TMTC1: variants seen among roughly 807,000 people sequenced by gnomAD.
TMTC1 encodes the protein transmembrane O-mannosyltransferase targeting cadherins 1.
Under a neutral mutation model 104.8 loss-of-function variants are expected in TMTC1, and 73 were observed. The ratio of observed to expected loss-of-function variants is 0.70; its 90% CI spans 0.58 to 0.85. The LOEUF is 0.85. Among genes scored for constraint, TMTC1 ranks in the 40% least tolerant of loss-of-function variants. The probability of loss-of-function intolerance (pLI) is 0.00; values close to 1 mark genes in which losing one functional copy is unlikely to be tolerated. For missense variants in TMTC1, 1,035 were observed against 1,096.1 expected (o/e 0.94, Z 0.79); for synonymous variants, 434 against 428.7 (o/e 1.01, Z -0.15).
intron 17 of TMTC1, among the ~76,000 whole-genome samples, chr12:29,511,742 C>A (rs747115276): frequency 1.6e-4 from 25 of 152,160 alleles, no homozygotes; most frequent in Non-Finnish European, 3.2e-4. Flanking sequence ...TTCCCATAAA[C>A]AGATTTTACC....
intron 1 of TMTC1, among the ~76,000 whole-genome samples, chr12:29,778,644 A>T (rs1399016781): frequency 2.0e-5 from 3 of 152,254 alleles, no homozygotes; most frequent in Non-Finnish European, 2.9e-5. Context: ...CTTGGGCATG[A>T]TCTTATGAAA....
intron 5 of TMTC1, among the ~76,000 whole-genome samples, chr12:29,702,676 G>A (rs376717012): frequency 2.6e-5 from 4 of 152,316 alleles, no homozygotes; most frequent in African/African-American, 4.8e-5. Flanking sequence ...GGGTGAATCC[G>A]AGGCAGCGCA....
At chr12:29,714,562 G>C (rs1942025705) in intron 5 of TMTC1, among the ~76,000 whole-genome samples, 1 of 152,042 alleles carries the variant, frequency 6.6e-6, no homozygotes, top group Non-Finnish European at 1.5e-5. Context: ...GCACTGTCAG[G>C]GCAAATTATC....
intron 11 of TMTC1, among the ~76,000 whole-genome samples, chr12:29,529,579 A>G (rs968434652): frequency 4.6e-5 from 7 of 152,222 alleles, no homozygotes; most frequent in Admixed American, 3.9e-4. Context: ...AAGGACTAAC[A>G]GATCTTTAAA....
chr12:29,717,527 G>T (rs534010853), intron 5 of TMTC1, among the ~76,000 whole-genome samples: 1 of 152,158 alleles, frequency 6.6e-6, no homozygotes, highest in Non-Finnish European at 1.5e-5. Flanking sequence ...TTAAAAAAAA[G>T]ATCAGGTTTT....
intron 5 of TMTC1, chr12:29,660,790 A>G (rs1025746294): frequency 1.0e-6 from 1 of 998,186 alleles, no homozygotes; most frequent in Non-Finnish European, 1.4e-6. Context: ...ATATATATAT[A>G]TATATATACT....
chr12:29,540,868 G>A (rs549221169), intron 10 of TMTC1, among the ~76,000 whole-genome samples: 1 of 151,980 alleles, frequency 6.6e-6, no homozygotes, highest in East Asian at 1.9e-4. Flanking sequence ...AGTGGCGGGC[G>A]CCTGTAGTCC....
intron 11 of TMTC1, among the ~76,000 whole-genome samples, chr12:29,523,420 G>C (rs1944240710): frequency 6.6e-6 from 1 of 152,210 alleles, no homozygotes; most frequent in Non-Finnish European, 1.5e-5. Context: ...AGTTTGAACA[G>C]CTGGCTGTCT....
intron 6 of TMTC1, among the ~76,000 whole-genome samples, chr12:29,622,493 G>A (rs1937724562): frequency 1.3e-5 from 2 of 152,098 alleles, no homozygotes; most frequent in Admixed American, 6.5e-5. Context: ...CTGACATAAA[G>A]TCTATAAGAG....
intron 10 of TMTC1, among the ~76,000 whole-genome samples, chr12:29,545,613 A>G (rs921831618): frequency 2.1e-5 from 3 of 144,324 alleles, no homozygotes; most frequent in Non-Finnish European, 4.5e-5. Flanking sequence ...AGTCTGGGCA[A>G]CAGAGCAAGA....
chr12:29,606,235 T>G (rs1946696154), intron 6 of TMTC1, among the ~76,000 whole-genome samples: 1 of 152,242 alleles, frequency 6.6e-6, no homozygotes, highest in South Asian at 2.1e-4. Context: ...GTAGTGGGAT[T>G]GCTGGGTTGA....
At chr12:29,716,593 A>AT (rs941908345) in intron 5 of TMTC1, among the ~76,000 whole-genome samples, 6 of 152,144 alleles carry the variant, frequency 3.9e-5, no homozygotes, top group Non-Finnish European at 7.4e-5. Context: ...TTATTTATAG[A>AT]TTTTTTTATT....
intron 5 of TMTC1, among the ~76,000 whole-genome samples, chr12:29,738,732 C>T (rs937201365): frequency 6.6e-6 from 1 of 152,272 alleles, no homozygotes; most frequent in South Asian, 2.1e-4. Context: ...GGATTGTCAA[C>T]CCTGTGAAGT....
chr12:29,536,019 C>T (rs1008158628), intron 11 of TMTC1, 190 bp downstream of exon 11: 57 of 561,000 alleles, frequency 1.0e-4, no homozygotes, highest in Non-Finnish European at 1.4e-4. Flanking sequence ...TGTCTAAAAG[C>T]GACCTGTGAT....
intron 5 of TMTC1, among the ~76,000 whole-genome samples, chr12:29,745,119 T>G (rs949876498): frequency 1.1e-4 from 16 of 152,062 alleles, no homozygotes; most frequent in Non-Finnish European, 2.2e-4. Flanking sequence ...TAAAACACAT[T>G]TCCTGCCATT....
rs148524678 is a variant in TMTC1, at chr12:29,727,377, T to G, written c.938+24289A>C. 2.0e-5 allele frequency among the ~76,000 whole-genome samples: 3 copies of G among 148,150 alleles called. No individual in the cohort carries two copies. In the East Asian group the frequency reaches 5.8e-4, roughly 29 times the overall value. ...TGTATTTATTTATTTATTTTTATTT[T>G]TATTTATTTATTTTTTTGAGACGGA... On this transcript the variant is annotated intron_variant, in intron 5 of 17. Transcript: ENST00000539277.
At position 29,767,906 on chromosome 12, in the gene TMTC1, T is replaced by C. The variant is rs774189118; in HGVS notation, c.472A>G (p.Thr158Ala). 9 of 1,613,596 alleles carry C rather than the reference T, an allele frequency of 5.6e-6. No individual in the cohort carries two copies. Among genetic ancestry groups the C allele is most frequent in the Non-Finnish European group, 7.6e-6 (9 of 1,179,782 alleles). Residue 158 changes from threonine (T) to alanine (A), a missense_variant, in exon 2 of 18, where the codon ACT (threonine) becomes GCT (alanine). Thr to Ala is a moderately conservative substitution (Grantham distance 58). Coordinates refer to ENST00000539277, the MANE Select transcript of TMTC1 (RefSeq NM_001193451.2). ...ALLFAVHPIH[T>A]EAVAGIVGRA... ...GATCCAATTACACTTACCGCCTCAG[T>C]ATGAATAGGATGTACAGCAAAAAGC...
intron 7 of TMTC1, among the ~76,000 whole-genome samples, chr12:29,590,416 G>A (rs1173321564): frequency 6.6e-6 from 1 of 152,198 alleles, no homozygotes; most frequent in Non-Finnish European, 1.5e-5. Context: ...TAATCAGCGT[G>A]ATTCAATGTA....
intron 5 of TMTC1, among the ~76,000 whole-genome samples, chr12:29,688,298 T>A (rs1281660250): frequency 6.6e-6 from 1 of 152,190 alleles, no homozygotes; most frequent in Non-Finnish European, 1.5e-5. Flanking sequence ...TACAGAATGA[T>A]TTATATCTTT....
Sources: gnomAD v4.1 joint callset for allele counts (sites outside exome capture counted in the v4.1 genomes callset) on GRCh38, gnomAD v4.1.1 for gene constraint, MANE v1.5 for transcripts, NCBI Gene and HGNC (gene_info 2026-07-23, HGNC 2026-07-21) for gene names.